ST14: variants seen among roughly 807,000 people sequenced by gnomAD.
ST14 encodes the protein ST14 transmembrane serine protease matriptase.
Under a neutral mutation model 96.5 loss-of-function variants are expected in ST14, and 40 were observed. That is an observed-to-expected ratio of 0.41 (90% CI 0.32 to 0.54). The LOEUF is 0.54. ST14 is among the 20% of genes least tolerant of loss of function. The pLI is 0.17. For missense variants in ST14, 1,066 were observed against 1,188.9 expected (o/e 0.90, Z 1.52); for synonymous variants, 506 against 492.1 (o/e 1.03, Z -0.37).
intron 7 of ST14, among the ~76,000 whole-genome samples, chr11:130,192,588 T>C (rs627992): frequency 0.9 from 136,301 of 152,138 alleles, 61,079 homozygotes; most frequent in East Asian, 0.95. Flanking sequence ...GATGGGGTTT[T>C]ACCATGTTGG....
chr11:130,160,879 C>T (rs572704358), intron 1 of ST14, among the ~76,000 whole-genome samples: 5 of 152,276 alleles, frequency 3.3e-5, no homozygotes, highest in Non-Finnish European at 2.9e-5. Context: ...CCAAGGCAGA[C>T]CCCCAGGTTT....
chr11:130,197,605 A>C (rs1167458431), intron 11 of ST14, among the ~76,000 whole-genome samples: 1 of 152,134 alleles, frequency 6.6e-6, no homozygotes, highest in African/African-American at 2.4e-5. Context: ...AGTGGTGGGG[A>C]GGGACCCTGC....
intron 1 of ST14, among the ~76,000 whole-genome samples, chr11:130,162,107 G>A (rs141373898): frequency 0.015 from 2,244 of 152,320 alleles, 26 homozygotes; most frequent in Non-Finnish European, 0.022. Flanking sequence ...GGCCCACAGG[G>A]TGCTGTTGTT....
rs946355002 is a variant in ST14, at chr11:130,199,015, C to T, written c.1753C>T (p.Pro585Ser). The stretch of plus-strand genomic sequence containing the variant: ...TGGGCTCTGCTTGAGCAAGGGCAAC[C>T]CTGAGTGTGACGGGAAGGAGGACTG... ...LNGLCLSKGN[P>S]ECDGKEDCSD... Residue 585 changes from proline (P) to serine (S), a missense_variant, in exon 15 of 19, where the codon CCT becomes TCT. Physicochemically the swap from Pro to Ser is moderately conservative, Grantham distance 74. Coordinates refer to ENST00000278742, the MANE Select transcript of ST14 (RefSeq NM_021978.4). The T allele has an allele frequency of 5.0e-6, 8 of 1,614,102 alleles. No individual in the cohort carries two copies. The highest frequency in any genetic ancestry group is 4.2e-6 in the Non-Finnish European group (5 of 1,180,004).
In ST14 at chr11:130,187,288, C is replaced by T. The variant is rs1331509387; in HGVS notation, c.82-826C>T. Reference sequence around the variant, plus strand: ...CTATCGGCAGAAGCCTTCGCCGGTCCGTCACTGGGTGCAGCAGACACCCCA... The same window carrying T: ...CTATCGGCAGAAGCCTTCGCCGGTCTGTCACTGGGTGCAGCAGACACCCCA... On this transcript the variant is annotated intron_variant, in intron 1 of 18. Transcript: ENST00000278742. The surrounding 1 kb of genome is among the most constrained non-coding windows in gnomAD (Gnocchi z 4.5). Among the ~76,000 whole-genome samples the T allele has an allele frequency of 6.6e-6, 1 of 152,218 alleles. No individual in the cohort carries two copies. Among genetic ancestry groups the T allele is most frequent in the African/African-American group, 2.4e-5 (1 of 41,456 alleles).
intron 15 of ST14, 108 bp downstream of exon 15, chr11:130,199,177 T>G: frequency 9.1e-6 from 11 of 1,211,248 alleles, no homozygotes; most frequent in African/African-American, 1.5e-5. Context: ...TTAGCAGCTC[T>G]GTGCTTGGGT....
At chr11:130,201,024 C>T (rs1259457844) in intron 16 of ST14, among the ~76,000 whole-genome samples, 2 of 152,246 alleles carry the variant, frequency 1.3e-5, no homozygotes, top group East Asian at 3.8e-4. Flanking sequence ...ACAGTATCAG[C>T]TCCCACCCTT....
intron 1 of ST14, among the ~76,000 whole-genome samples, chr11:130,174,614 T>C (rs564754103): frequency 1.3e-5 from 2 of 152,310 alleles, no homozygotes; most frequent in East Asian, 3.9e-4. Context: ...TTCCATTTCA[T>C]AGGGCACTTT....
chr11:130,205,245 GC>G (rs967731465), intron 16 of ST14, among the ~76,000 whole-genome samples: 11 of 152,102 alleles, frequency 7.2e-5, no homozygotes, highest in African/African-American at 2.4e-4. Context: ...TCCTGCCTCA[GC>G]CTCCGGAGTA....
At chr11:130,197,790 C>T (rs376159611) in intron 11 of ST14, 51 bp from the exon 12 acceptor site, 728 of 1,459,060 alleles carry the variant, frequency 5.0e-4, no homozygotes, top group Non-Finnish European at 5.8e-4. Flanking sequence ...CGGGAGCCAG[C>T]GGAGGGAGGT....
At chr11:130,176,458 G>T (rs1041907429) in intron 1 of ST14, among the ~76,000 whole-genome samples, 1 of 150,854 alleles carries the variant, frequency 6.6e-6, no homozygotes, top group African/African-American at 2.4e-5. Context: ...GCGCAATCTC[G>T]GCTCACTGCA....
intron 1 of ST14, 114 bp downstream of exon 1, chr11:130,160,174 G>C: frequency 1.4e-6 from 1 of 696,006 alleles, no homozygotes; most frequent in Non-Finnish European, 2.0e-6. Flanking sequence ...CCGAGCTCTG[G>C]GCGCACAGGT....
chr11:130,207,486 G>A (rs1038792635), intron 16 of ST14, among the ~76,000 whole-genome samples: 1 of 152,194 alleles, frequency 6.6e-6, no homozygotes, highest in African/African-American at 2.4e-5. Context: ...GGTAGGTGCA[G>A]GTTACAGTGA....
At position 130,208,626 on chromosome 11, in the gene ST14, T is replaced by G. The variant is rs756668253; in HGVS notation, c.2211T>G (p.His737Gln). 1 of 1,614,030 alleles carries G rather than the reference T, an allele frequency of 6.2e-7. No individual in the cohort carries two copies. Reference protein sequence around the residue: ...VRPICLPDASHVFPAGKAIWV... With the variant: ...VRPICLPDASQVFPAGKAIWV... ...CCATCTGCCTGCCGGACGCCTCCCA[T>G]GTCTTCCCTGCCGGCAAGGCCATCT... Residue 737 changes from histidine to glutamine, a missense_variant, in exon 17 of 19, where the codon CAT becomes CAG. Physicochemically the swap from His to Gln is conservative, Grantham distance 24 (BLOSUM62 0). Coordinates refer to ENST00000278742, the MANE Select transcript of ST14 (RefSeq NM_021978.4).
Position 130,196,977 on chromosome 11 carries a change from G to C in ST14, c.1354+277G>C, listed in dbSNP as rs543421781. ...AGACGCCCCTCATCTGAGCTTCCCC[G>C]GCCATCTGTCCCTCAGGCCCACCTT... On this transcript the variant is annotated intron_variant, in intron 11 of 18. Coordinates refer to ENST00000278742, the MANE Select transcript of ST14 (RefSeq NM_021978.4). Among the ~76,000 whole-genome samples the C allele has an allele frequency of 3.3e-5, 5 of 149,332 alleles. No homozygotes were observed. In the East Asian group the frequency reaches 1.0e-3, roughly 30 times the overall value.
chr11:130,185,325 A>G (rs1236315291), intron 1 of ST14, among the ~76,000 whole-genome samples: 3 of 152,206 alleles, frequency 2.0e-5, no homozygotes, highest in Non-Finnish European at 4.4e-5. Context: ...TAAATAGAGG[A>G]TAAATATAAT....
chr11:130,181,481 G>A lies in ST14; in HGVS notation c.82-6633G>A, dbSNP rs760938022. Reference sequence around the variant, plus strand: ...ACCTGGCTTCATAGCACCGTTTTATGTGTGCACCTGCAAAGATGTTTACTT... The same window carrying A: ...ACCTGGCTTCATAGCACCGTTTTATATGTGCACCTGCAAAGATGTTTACTT... On this transcript the variant is annotated intron_variant, in intron 1 of 18. Coordinates refer to ENST00000278742, the MANE Select transcript of ST14 (RefSeq NM_021978.4). The surrounding 1 kb of genome is among the most constrained non-coding windows in gnomAD (Gnocchi z 4.1). 2.9e-4 allele frequency among the ~76,000 whole-genome samples: 44 copies of A among 152,328 alleles called. No homozygotes were observed. Among genetic ancestry groups the A allele is most frequent in the Admixed American group, 3.9e-4 (6 of 15,304 alleles).
chr11:130,185,442 C>T (rs1953228653), intron 1 of ST14, among the ~76,000 whole-genome samples: 1 of 152,078 alleles, frequency 6.6e-6, no homozygotes, highest in African/African-American at 2.4e-5. Context: ...AGCTTGAAGC[C>T]AGGAGTTCGA....
chr11:130,185,262 A>G (rs1260687786), intron 1 of ST14, among the ~76,000 whole-genome samples: 1 of 152,230 alleles, frequency 6.6e-6, no homozygotes, highest in African/African-American at 2.4e-5. Context: ...ACCAAAAATG[A>G]AAAACTCAAT....
Sources: gnomAD v4.1 joint callset for allele counts (sites outside exome capture counted in the v4.1 genomes callset) on GRCh38, gnomAD v4.1.1 for gene constraint, Gnocchi (gnomAD v3.1) non-coding constraint, MANE v1.5 for transcripts, NCBI Gene and HGNC (gene_info 2026-07-23, HGNC 2026-07-21) for gene names.